The following ACOT12 variants were observed in gnomAD, a reference collection of about 807,000 sequenced individuals.
ACOT12 encodes the protein acyl-CoA thioesterase 12.
ACOT12 carries 51 observed loss-of-function variants against 67.7 expected under a neutral mutation model. That is an observed-to-expected ratio of 0.75 (90% CI 0.60 to 0.95). The LOEUF (loss-of-function observed/expected upper bound fraction) is 0.95. Ranked by LOEUF, ACOT12 falls within the 40% of genes least tolerant of loss-of-function variation. The probability of loss-of-function intolerance (pLI) is 0.00; values close to 1 mark genes in which losing one functional copy is unlikely to be tolerated. For synonymous variants in ACOT12, 251 were observed against 244.6 expected, an observed-to-expected ratio of 1.03 and a Z score of -0.24; for missense variants, 734 against 708.1, an observed-to-expected ratio of 1.04 and a Z score of -0.41.
intron 3 of ACOT12, among the ~76,000 whole-genome samples, chr5:81,365,678 A>G (rs1244190949): frequency 2.0e-5 from 3 of 152,234 alleles, no homozygotes; most frequent in Non-Finnish European, 2.9e-5. Flanking sequence ...ACTGGACAAA[A>G]TATAGGAAGC....
chr5:81,369,172 C>G (rs1040634236), intron 3 of ACOT12, among the ~76,000 whole-genome samples: 1 of 151,088 alleles, frequency 6.6e-6, no homozygotes, highest in African/African-American at 2.4e-5. Flanking sequence ...AAAAAACTCA[C>G]ACTCATATAA....
chr5:81,371,903 G>T, intron 2 of ACOT12, 93 bp from the exon 3 acceptor site: 2 of 1,051,704 alleles, frequency 1.9e-6, no homozygotes, highest in Non-Finnish European at 2.9e-6. Context: ...CCATAAAGCA[G>T]TTCCACCTTA....
chr5:81,334,192 G>C (rs532398087), intron 12 of ACOT12, among the ~76,000 whole-genome samples: 1 of 152,136 alleles, frequency 6.6e-6, no homozygotes, highest in Non-Finnish European at 1.5e-5. Flanking sequence ...CCAAGGCCAC[G>C]CGTGAGCCGT....
At chr5:81,320,285 AAAGGAAATAAAGTC>A in the ACOT12 span, among the ~76,000 whole-genome samples, 1 of 152,302 alleles carries the variant, frequency 6.6e-6, no homozygotes, top group East Asian at 1.9e-4. Context: ...GCTGCCTGGG[AAAGGAAATAAAGTC>A]AAGGGCCTAC....
the ACOT12 span, among the ~76,000 whole-genome samples, chr5:81,310,157 T>TAAAAAAAAAAAAAAAAA: frequency 2.7e-4 from 28 of 104,748 alleles, 1 homozygote; most frequent in African/African-American, 7.3e-4. Flanking sequence ...TGACTAGCTG[T>TAAAAAAAAAAAAAAAAA]AAAAAAAAAA....
At chr5:81,379,880 G>A (rs78277012) in intron 2 of ACOT12, among the ~76,000 whole-genome samples, 5,835 of 152,182 alleles carry the variant, frequency 0.038, 331 homozygotes, top group African/African-American at 0.13. Context: ...GATACAGCAT[G>A]AGCCAGTGCA....
chr5:81,324,526 G>A, the ACOT12 span, among the ~76,000 whole-genome samples: 7 of 152,304 alleles, frequency 4.6e-5, no homozygotes, highest in African/African-American at 4.8e-5. Context: ...ACATAGATGT[G>A]GGAATTTCTG....
chr5:81,373,936 G>C (rs1279126960), intron 2 of ACOT12, among the ~76,000 whole-genome samples: 3 of 152,194 alleles, frequency 2.0e-5, no homozygotes, highest in African/African-American at 7.2e-5. Context: ...GTCCCTGCCT[G>C]ATGGCTCTGA....
chr5:81,374,489 G>A (rs1760349630), intron 2 of ACOT12, among the ~76,000 whole-genome samples: 1 of 152,160 alleles, frequency 6.6e-6, no homozygotes, highest in Non-Finnish European at 1.5e-5. Flanking sequence ...TGGAGAATGA[G>A]TTTGATGAAT....
Position 81,382,214 on chromosome 5 carries a change from C to T in ACOT12, c.197+3543G>A, listed in dbSNP as rs1010521114. Reference sequence around the variant, plus strand: ...AAAATACATAATTTCTAATTCTGTCCGCTGAAAAGGCCGAGAACGAATGCC... The same window carrying T: ...AAAATACATAATTTCTAATTCTGTCTGCTGAAAAGGCCGAGAACGAATGCC... On this transcript the variant is annotated intron_variant, in intron 2 of 14. Coordinates refer to ENST00000307624, the MANE Select transcript of ACOT12 (RefSeq NM_130767.3). Among the ~76,000 whole-genome samples the T allele has an allele frequency of 5.9e-5, 9 of 152,042 alleles. 1 individual carries two copies. In the East Asian group the frequency reaches 1.4e-3, roughly 23 times the overall value.
At chr5:81,366,966 GAA>G (rs1760099964) in intron 3 of ACOT12, among the ~76,000 whole-genome samples, 2 of 151,988 alleles carry the variant, frequency 1.3e-5, no homozygotes, top group Non-Finnish European at 2.9e-5. Flanking sequence ...CAAAAGACAG[GAA>G]AAAAGTTTGA....
At chr5:81,344,676 A>G (rs1759315847) in intron 8 of ACOT12, among the ~76,000 whole-genome samples, 1 of 152,160 alleles carries the variant, frequency 6.6e-6, no homozygotes, top group Admixed American at 6.5e-5. Flanking sequence ...GTAGCCCGGT[A>G]GAGGTGAGGT....
chr5:81,334,549 G>A (rs1758936350), intron 12 of ACOT12, among the ~76,000 whole-genome samples: 2 of 152,194 alleles, frequency 1.3e-5, no homozygotes, highest in African/African-American at 4.8e-5. Flanking sequence ...TAGCATCTGT[G>A]CCAATGTAAC....
At chr5:81,342,849 G>T in intron 10 of ACOT12, 94 bp from the exon 11 acceptor site, 1 of 1,298,026 alleles carries the variant, frequency 7.7e-7, no homozygotes. Context: ...ACTGTTGGAG[G>T]AGGTATGTGT....
chr5:81,347,352 C>A (rs373657264), intron 6 of ACOT12, among the ~76,000 whole-genome samples: 5 of 152,182 alleles, frequency 3.3e-5, no homozygotes, highest in Admixed American at 1.3e-4. Flanking sequence ...ATCAAGCAAT[C>A]TTCCTGTCTC....
intron 1 of ACOT12, among the ~76,000 whole-genome samples, chr5:81,390,710 C>T (rs971488910): frequency 2.0e-5 from 3 of 151,778 alleles, no homozygotes; most frequent in Non-Finnish European, 4.4e-5. Flanking sequence ...TCATGTTGAC[C>T]AGGCTGGTCT....
chr5:81,377,690 C>G (rs1430035747), intron 2 of ACOT12, among the ~76,000 whole-genome samples: 1 of 152,140 alleles, frequency 6.6e-6, no homozygotes, highest in Non-Finnish European at 1.5e-5. Flanking sequence ...TTCTTATACA[C>G]CAATAACAGA....
Position 81,349,486 on chromosome 5 carries a change from TC to T in ACOT12, c.497-1557del, listed in dbSNP as rs368326912. Among the ~76,000 whole-genome samples the T allele has an allele frequency of 3.6e-3, 555 of 152,160 alleles. 1 individual carries two copies. Among genetic ancestry groups the T allele is most frequent in the Middle Eastern group, 0.014 (4 of 294 alleles). On this transcript the variant is annotated intron_variant, in intron 5 of 14. Coordinates refer to ENST00000307624, the MANE Select transcript of ACOT12 (RefSeq NM_130767.3). ...GTCACATCCCTGCTGTCTACGGCAA[TC>T]CCCCTGGCCACCATCACCTGTGTCT...
At chr5:81,374,810 A>C (rs1430891026) in intron 2 of ACOT12, among the ~76,000 whole-genome samples, 1 of 152,204 alleles carries the variant, frequency 6.6e-6, no homozygotes, top group Admixed American at 6.5e-5. Context: ...GAAAATAAAC[A>C]AACAAAGCCT....
Sources: gnomAD v4.1 joint callset for allele counts (sites outside exome capture counted in the v4.1 genomes callset) on GRCh38, gnomAD v4.1.1 for gene constraint, MANE v1.5 for transcripts, NCBI Gene and HGNC (gene_info 2026-07-23, HGNC 2026-07-21) for gene names.